IFT122: variants seen among roughly 807,000 people sequenced by gnomAD.
IFT122 encodes intraflagellar transport protein 122 homolog.
A neutral mutation model predicts 161.6 loss-of-function variants in IFT122; 118 were observed. The ratio of observed to expected loss-of-function variants is 0.73; its 90% CI spans 0.63 to 0.85. The LOEUF (loss-of-function observed/expected upper bound fraction) is 0.85, where lower values mean the gene tolerates loss of function less well. Among genes scored for constraint, IFT122 ranks in the 40% least tolerant of loss-of-function variants. The pLI, the probability that IFT122 is intolerant of heterozygous loss-of-function variation, is 0.00. For synonymous variants in IFT122, 550 were observed against 602.4 expected (o/e 0.91, Z 1.27); for missense variants, 1,381 against 1,579.6 (o/e 0.87, Z 2.13).
In IFT122 at chr3:129,506,380, C is replaced by T. The variant is rs768097223; in HGVS notation, c.2651-29C>T. 3 of 1,611,226 alleles carry T rather than the reference C, an allele frequency of 1.9e-6. No homozygotes were observed. The Admixed American group carries it at 5.0e-5, about 27-fold the overall frequency. On this transcript the variant is annotated intron_variant, in intron 21 of 29. Coordinates refer to ENST00000348417, the MANE Select transcript of IFT122 (RefSeq NM_052989.3). ...TGTGTGACTTCCTAAATAGCATGTGCTTTTTTCCTCCCTCCACCACTCCTA... is the reference window on the plus strand; with the variant it reads ...TGTGTGACTTCCTAAATAGCATGTGTTTTTTTCCTCCCTCCACCACTCCTA...
At chr3:129,477,955 C>A in intron 11 of IFT122, 61 bp from the exon 12 acceptor site, 2 of 1,405,480 alleles carry the variant, frequency 1.4e-6, no homozygotes, top group Non-Finnish European at 2.0e-6. Flanking sequence ...CTTTTAATTT[C>A]TCTGCCTTGC....
At chr3:129,468,113 C>G (rs67320575) in intron 8 of IFT122, among the ~76,000 whole-genome samples, 20,185 of 152,164 alleles carry the variant, frequency 0.13, 1,714 homozygotes, top group South Asian at 0.24. Context: ...TCTGCAGGCT[C>G]CCTCATTAAC....
In IFT122 at chr3:129,489,392, C is replaced by A. The variant is rs533133032; in HGVS notation, c.1992+995C>A. Among the ~76,000 whole-genome samples, 3 of 152,292 alleles carry A rather than the reference C, an allele frequency of 2.0e-5. No individual in the cohort carries two copies. In the South Asian group the frequency reaches 6.2e-4, roughly 32 times the overall value. On this transcript the variant is annotated intron_variant, in intron 16 of 29. Coordinates refer to ENST00000348417, the MANE Select transcript of IFT122 (RefSeq NM_052989.3). ...TGCCCGCTGCAGTCATGAGGCTTAA[C>A]TGAGATGTTGTAAAGGGGAATTTAA...
rs553526454 is a variant in IFT122 at position 129,495,562 on chromosome 3, C to T, written c.2163C>T (p.Leu721=). 2.2e-5 allele frequency: 36 copies of T among 1,614,008 alleles called. No homozygotes were observed. Among genetic ancestry groups the T allele is most frequent in the Non-Finnish European group, 2.7e-5 (32 of 1,180,046 alleles). ...ACAAGAGGAGTGGGCACGAGAACCT[C>T]GCGCTTGAAATGTACACCGACCTCT... ...KLYKRSGHEN[L]ALEMYTDLCM... The change falls in exon 18 of 30, where the codon CTC becomes CTT. Residue 721 remains leucine (L), a synonymous_variant. Transcript: ENST00000348417.
At chr3:129,502,596 A>G (rs1291730924) in intron 19 of IFT122, 115 bp from the exon 20 acceptor site, 14 of 1,186,124 alleles carry the variant, frequency 1.2e-5, no homozygotes, top group Non-Finnish European at 1.6e-5. Flanking sequence ...CCACTGAGCA[A>G]CTCCCATGGG....
Position 129,514,528 on chromosome 3 carries a change from C to A in IFT122, c.3127C>A (p.Arg1043Ser), listed in dbSNP as rs555281580. The change falls in exon 25 of 30, where the codon CGC becomes AGC. Residue 1043 changes from arginine (R) to serine (S), a missense_variant. Around this residue, in one of 7 missense-constraint regions of IFT122, gnomAD observed 496 missense variants for 502.5 expected, o/e 0.99. Coordinates refer to ENST00000348417, the MANE Select transcript of IFT122 (RefSeq NM_052989.3). ...KSIELGTLTI[R>S]AKPFHDSEEL... is the part of the protein sequence containing the mutation. Reference sequence around the variant, plus strand: ...CATTGAGCTGGGTACCCTGACCATCCGCGCCAAGCCCTTCCACGACAGTGA... The same window carrying A: ...CATTGAGCTGGGTACCCTGACCATCAGCGCCAAGCCCTTCCACGACAGTGA... 2.2e-5 allele frequency: 35 copies of A among 1,614,232 alleles called. No individual in the cohort carries two copies. The African/African-American group carries it at 4.3e-4, about 20-fold the overall frequency.
At chr3:129,501,064 G>A (rs1016678120) in intron 19 of IFT122, among the ~76,000 whole-genome samples, 1 of 152,110 alleles carries the variant, frequency 6.6e-6, no homozygotes, top group African/African-American at 2.4e-5. Context: ...CATTCGTCAA[G>A]GTGGACAACA....
At position 129,460,828 on chromosome 3, in the gene IFT122, T is replaced by A. The variant is rs762021104; in HGVS notation, c.273-400T>A. On this transcript the variant is annotated intron_variant, in intron 4 of 29. Transcript: ENST00000348417. Reference sequence around the variant, plus strand: ...ACATGATTTGCTCAGCTTTCATTGTTGTCTAAGGATTTGTCATGTTTCCAG... The same window carrying A: ...ACATGATTTGCTCAGCTTTCATTGTAGTCTAAGGATTTGTCATGTTTCCAG... 94 of 1,588,482 alleles carry A rather than the reference T, an allele frequency of 5.9e-5. 3 individuals are homozygous for A. In the South Asian group the frequency reaches 9.6e-4, roughly 16 times the overall value.
At chr3:129,520,109 C>A in intron 29 of IFT122, 67 bp from the exon 30 acceptor site, 1 of 1,346,196 alleles carries the variant, frequency 7.4e-7, no homozygotes, top group Non-Finnish European at 1.1e-6. Flanking sequence ...GCAGTGCGTC[C>A]TGGCCCCAGG....
intron 16 of IFT122, among the ~76,000 whole-genome samples, chr3:129,490,737 C>T (rs1401342618): frequency 6.6e-6 from 1 of 152,198 alleles, no homozygotes; most frequent in Non-Finnish European, 1.5e-5. Context: ...CAGGGTTGCC[C>T]TCTCAAGGCG....
rs553449191 is a variant in IFT122, at chr3:129,514,457, A to G, written c.3056A>G (p.Tyr1019Cys). 5.8e-5 allele frequency: 93 copies of G among 1,614,198 alleles called. No homozygotes were observed. The highest frequency in any genetic ancestry group is 6.9e-5 in the Non-Finnish European group (82 of 1,180,030). The change falls in exon 25 of 30, where the codon TAT becomes TGT. Residue 1019 changes from tyrosine to cysteine, a missense_variant. Tyr to Cys is a radical substitution (Grantham distance 194). Around this residue, in one of 7 missense-constraint regions of IFT122, gnomAD observed 496 missense variants for 502.5 expected, o/e 0.99. Coordinates refer to ENST00000348417, the MANE Select transcript of IFT122 (RefSeq NM_052989.3). ...LGAYRLARHA[Y>C]DKLRGLYIPA... Reference sequence around the variant, plus strand: ...GCCTACAGGCTGGCCCGGCACGCCTATGACAAGCTGCGTGGCCTGTACATC... The same window carrying G: ...GCCTACAGGCTGGCCCGGCACGCCTGTGACAAGCTGCGTGGCCTGTACATC...
chr3:129,456,037 C>T (rs1428849822), intron 3 of IFT122: 2 of 450,500 alleles, frequency 4.4e-6, no homozygotes, highest in Non-Finnish European at 4.5e-6. Context: ...ACTGTATGTA[C>T]ACATGTACAT....
At chr3:129,459,903 AC>A (rs974844712) in intron 4 of IFT122, among the ~76,000 whole-genome samples, 4 of 150,654 alleles carry the variant, frequency 2.7e-5, no homozygotes, top group African/African-American at 9.8e-5. Context: ...GCAGGTGCAC[AC>A]CCCCACACCA....
intron 26 of IFT122, 107 bp from the exon 27 acceptor site, chr3:129,517,362 G>T: frequency 6.8e-7 from 1 of 1,466,078 alleles, no homozygotes; most frequent in Non-Finnish European, 9.4e-7. Flanking sequence ...TGCTTTTGGT[G>T]AAGCTGCCAG....
At position 129,440,326 on chromosome 3, in the gene IFT122, C is replaced by T. The variant is rs569352757; in HGVS notation, c.-5C>T. On this transcript the variant is annotated 5_prime_UTR_variant, in exon 1 of 30. Coordinates refer to ENST00000348417, the MANE Select transcript of IFT122 (RefSeq NM_052989.3). ...GGAGGAGCCCGAGCCGTAAGGGAAG[C>T]CGTGATGAGGGCCGTGTTGACGTGG... 8.4e-6 allele frequency: 13 copies of T among 1,550,782 alleles called. No homozygotes were observed. The African/African-American group carries it at 1.6e-4, about 20-fold the overall frequency.
intron 6 of IFT122, among the ~76,000 whole-genome samples, chr3:129,464,218 G>C (rs1347332406): frequency 7.2e-5 from 11 of 152,294 alleles, no homozygotes; most frequent in Non-Finnish European, 1.0e-4. Flanking sequence ...CTTCCGTTCA[G>C]CATCTGTTGA....
At chr3:129,460,067 A>T (rs2108055614) in intron 4 of IFT122, among the ~76,000 whole-genome samples, 1 of 152,160 alleles carries the variant, frequency 6.6e-6, no homozygotes, top group South Asian at 2.1e-4. Flanking sequence ...AATTGTGGTA[A>T]AATATACATG....
intron 16 of IFT122, among the ~76,000 whole-genome samples, chr3:129,490,685 C>G (rs531286206): frequency 2.3e-4 from 35 of 152,298 alleles, no homozygotes; most frequent in Admixed American, 2.3e-3. Context: ...GGACTCAGAC[C>G]TCGAATGCTC....
chr3:129,453,590 C>T (rs1235956762), intron 3 of IFT122, among the ~76,000 whole-genome samples: 1 of 152,090 alleles, frequency 6.6e-6, no homozygotes, highest in Non-Finnish European at 1.5e-5. Flanking sequence ...TTTGCAAGCA[C>T]ATTTGAAGAT....
Sources: gnomAD v4.1 joint callset for allele counts (sites outside exome capture counted in the v4.1 genomes callset) on GRCh38, gnomAD v4.1.1 for gene constraint, gnomAD v4.1.1 regional missense constraint, MANE v1.5 for transcripts, NCBI Gene and HGNC (gene_info 2026-07-23, HGNC 2026-07-21) for gene names.